Variants in QRFPR observed in about 807,000 individuals in gnomAD.
QRFPR encodes pyroglutamylated RFamide peptide receptor.
QRFPR carries 37 observed loss-of-function variants against 31.3 expected under a neutral mutation model. That is an observed-to-expected ratio of 1.18 (90% confidence interval 0.91 to 1.56). The LOEUF (loss-of-function observed/expected upper bound fraction) is 1.56, where lower values mean the gene tolerates loss of function less well. QRFPR is among the 40% of genes most tolerant of loss of function. The pLI is 0.00. For missense variants in QRFPR, 542 were observed against 532.5 expected, an observed-to-expected ratio of 1.02 and a Z score of -0.18; for synonymous variants, 197 against 192.0, an observed-to-expected ratio of 1.03 and a Z score of -0.22.
At chr4:121,367,215 C>T (rs1726147533) in intron 1 of QRFPR, among the ~76,000 whole-genome samples, 5 of 149,774 alleles carry the variant, frequency 3.3e-5, no homozygotes, top group Admixed American at 3.3e-4. Context: ...GGGACCGCTT[C>T]CTAGGAACAT....
chr4:121,378,715 G>A (rs775892648), intron 1 of QRFPR, among the ~76,000 whole-genome samples: 4 of 151,992 alleles, frequency 2.6e-5, no homozygotes, highest in Non-Finnish European at 2.9e-5. Flanking sequence ...GAGCCACCAC[G>A]CCTGGCCAGA....
intron 1 of QRFPR, among the ~76,000 whole-genome samples, chr4:121,371,122 A>G (rs976524025): frequency 1.3e-5 from 2 of 152,098 alleles, no homozygotes; most frequent in African/African-American, 2.4e-5. Context: ...CTATCCTTCT[A>G]TTTCTCCCAG....
At chr4:121,366,201 C>T (rs1051152785) in intron 1 of QRFPR, among the ~76,000 whole-genome samples, 1 of 149,882 alleles carries the variant, frequency 6.7e-6, no homozygotes, top group Admixed American at 6.6e-5. Flanking sequence ...CTGAAGCAGA[C>T]TGGTTGGGTC....
chr4:121,356,206 T>G (rs1725866862), intron 1 of QRFPR, among the ~76,000 whole-genome samples: 1 of 152,232 alleles, frequency 6.6e-6, no homozygotes, highest in Non-Finnish European at 1.5e-5. Flanking sequence ...TCTCTGTCTT[T>G]AGCTCTAATA....
At chr4:121,354,013 A>G (rs1418238849) in intron 1 of QRFPR, among the ~76,000 whole-genome samples, 1 of 151,958 alleles carries the variant, frequency 6.6e-6, no homozygotes, top group African/African-American at 2.4e-5. Context: ...AAAATAAGTG[A>G]CTGCAAATGC....
chr4:121,335,577 G>T (rs980759492), intron 3 of QRFPR, among the ~76,000 whole-genome samples: 1 of 99,292 alleles, frequency 1.0e-5, no homozygotes, highest in Non-Finnish European at 2.2e-5. Flanking sequence ...TGTATGGGGG[G>T]TGGGGGGTGG....
chr4:121,370,001 C>T (rs896185635), intron 1 of QRFPR: 2 of 767,472 alleles, frequency 2.6e-6, no homozygotes, highest in Non-Finnish European at 4.8e-6. Context: ...TGAAAGCTTT[C>T]CTGGGTCTGT....
At chr4:121,370,297 G>T in intron 1 of QRFPR, 1 of 778,538 alleles carries the variant, frequency 1.3e-6, no homozygotes, top group Non-Finnish European at 2.4e-6. Flanking sequence ...ATCTTGCCTA[G>T]AGGCCCACTA....
At chr4:121,362,734 A>T (rs1256348177) in intron 1 of QRFPR, among the ~76,000 whole-genome samples, 2 of 150,090 alleles carry the variant, frequency 1.3e-5, no homozygotes, top group Non-Finnish European at 3.0e-5. Context: ...TAGCCTTTTC[A>T]ACAAATGGCA....
chr4:121,340,384 A>C (rs1160482008), intron 2 of QRFPR, 68 bp downstream of exon 2: 1 of 1,542,430 alleles, frequency 6.5e-7, no homozygotes, highest in Admixed American at 1.7e-5. Context: ...CTAGTTTAAA[A>C]ATATGGTTCT....
At chr4:121,371,952 A>G (rs972854372) in intron 1 of QRFPR, among the ~76,000 whole-genome samples, 4 of 152,244 alleles carry the variant, frequency 2.6e-5, no homozygotes, top group Admixed American at 2.6e-4. Context: ...ACAGGAAGAC[A>G]CTGAGCCTTG....
At chr4:121,352,382 A>C (rs1280615061) in intron 1 of QRFPR, among the ~76,000 whole-genome samples, 2 of 152,074 alleles carry the variant, frequency 1.3e-5, no homozygotes, top group African/African-American at 4.8e-5. Context: ...AGATGACTGC[A>C]GTATCTCCAA....
At chr4:121,334,431 A>G (rs1441072711) in intron 3 of QRFPR, 1 of 159,100 alleles carries the variant, frequency 6.3e-6, no homozygotes, top group African/African-American at 2.4e-5. Flanking sequence ...TTCCTGTTTC[A>G]TAATCACCCT....
chr4:121,369,026 C>CTTTA (rs1029760652), intron 1 of QRFPR, among the ~76,000 whole-genome samples: 15 of 152,142 alleles, frequency 9.9e-5, no homozygotes, highest in East Asian at 5.8e-4. Flanking sequence ...AGGTTTTTTA[C>CTTTA]TTTATTTATT....
intron 4 of QRFPR, among the ~76,000 whole-genome samples, chr4:121,330,796 A>C (rs4434276): frequency 0.017 from 2,557 of 152,276 alleles, 76 homozygotes; most frequent in African/African-American, 0.057. Flanking sequence ...AAGGCATTTG[A>C]TAGATGCAGA....
intron 1 of QRFPR, among the ~76,000 whole-genome samples, chr4:121,368,456 C>T (rs1265691274): frequency 2.0e-5 from 3 of 150,532 alleles, no homozygotes; most frequent in East Asian, 2.0e-4. Context: ...CTCTGCTAGA[C>T]TAGTGTTTGT....
At chr4:121,362,793 C>G (rs1398905) in intron 1 of QRFPR, among the ~76,000 whole-genome samples, 1 of 149,390 alleles carries the variant, frequency 6.7e-6, no homozygotes, top group Admixed American at 6.6e-5. Context: ...CTAGACACTA[C>G]GAGAAAGACC....
intron 1 of QRFPR, among the ~76,000 whole-genome samples, chr4:121,357,277 T>A (rs1374898085): frequency 6.6e-6 from 1 of 151,968 alleles, no homozygotes; most frequent in South Asian, 2.1e-4. Flanking sequence ...CATATGATAA[T>A]GATAGCATAT....
rs183869296 is a variant in QRFPR at position 121,332,701 on chromosome 4, T to C, written c.797+120A>G. The C allele has an allele frequency of 5.5e-6, 4 of 729,824 alleles. No individual in the cohort carries two copies. The Admixed American group carries it at 8.4e-5, about 15-fold the overall frequency. The allele number at this position is 729,824 out of a possible 1,614,324, so 45.2% of individuals were successfully genotyped here. ...TTTAAAATCAGTCCATGCCCTAAAT[T>C]TGAATTGCAAAGGATGCTTAGACTA... On this transcript the variant is annotated intron_variant, in intron 4 of 5. Coordinates refer to ENST00000394427, the MANE Select transcript of QRFPR (RefSeq NM_198179.3).
Sources: gnomAD v4.1 joint callset for allele counts (sites outside exome capture counted in the v4.1 genomes callset) on GRCh38, gnomAD v4.1.1 for gene constraint, MANE v1.5 for transcripts, NCBI Gene and HGNC (gene_info 2026-07-23, HGNC 2026-07-21) for gene names.